Variants in CFAP47 observed in about 807,000 individuals in gnomAD.
CFAP47 encodes cilia and flagella associated protein 47.
A neutral mutation model predicts 148.1 loss-of-function variants in CFAP47; 29 were observed. The observed-to-expected ratio is 0.20, with a 90% confidence interval of 0.15 to 0.27. CFAP47 has a LOEUF of 0.27. CFAP47 is among the 10% of genes least tolerant of loss of function. The probability of loss-of-function intolerance (pLI) is 1.00; values close to 1 mark genes in which losing one functional copy is unlikely to be tolerated. For synonymous variants in CFAP47, 664 were observed against 577.3 expected (o/e 1.15, Z -2.15); for missense variants, 1,872 against 1,697.5 (o/e 1.10, Z -1.81).
At chrX:36,299,856 A>AT (rs1418841839) in intron 52 of CFAP47, among the ~76,000 whole-genome samples, 3 of 112,407 alleles carry the variant, frequency 2.7e-5, no homozygotes, top group Admixed American at 1.9e-4. Flanking sequence ...AGTAATTGTT[A>AT]TTTTAATGAG....
intron 62 of CFAP47, among the ~76,000 whole-genome samples, chrX:36,378,570 GCTCTTGTT>G (rs782018504): frequency 9.0e-6 from 1 of 111,518 alleles, no homozygotes; most frequent in East Asian, 2.8e-4. Flanking sequence ...ATGGAGTTTC[GCTCTTGTT>G]GCCCCAGCTG....
Position 36,077,183 on chromosome X carries a change from C to CTTTT in CFAP47, c.4691+3856_4691+3859dup, listed in dbSNP as rs776287161. Among the ~76,000 whole-genome samples, 11 of 20,991 alleles carry CTTTT rather than the reference C, an allele frequency of 5.2e-4. 3 individuals carry two copies. Among genetic ancestry groups the CTTTT allele is most frequent in the Non-Finnish European group, 8.2e-4 (9 of 10,921 alleles). 18.2% of individuals were successfully genotyped at this position (20,991 alleles called of 115,157 possible). A position where few individuals can be genotyped will look rare whatever the true frequency, so the allele number is the denominator to read the frequency against. ...AAGTCAGGTAATACAGCGCCTCCAG[C>CTTTT]TTTTTTTTTTTTTTTTTTTTTTTTT... On this transcript the variant is annotated intron_variant, in intron 29 of 63. Transcript: ENST00000378653.
chrX:36,370,549 G>A (rs1941922613), intron 62 of CFAP47, among the ~76,000 whole-genome samples: 1 of 109,512 alleles, frequency 9.1e-6, no homozygotes, highest in African/African-American at 3.3e-5. Flanking sequence ...ATTTTCTACA[G>A]CAAATGGAAA....
At chrX:36,045,081 C>T (rs149483299) in intron 25 of CFAP47, among the ~76,000 whole-genome samples, 1,571 of 111,775 alleles carry the variant, frequency 0.014, 15 homozygotes, top group Non-Finnish European at 0.024. Flanking sequence ...TGTCTGATTG[C>T]TCTATCTAGA....
intron 22 of CFAP47, among the ~76,000 whole-genome samples, chrX:36,029,787 T>C (rs1246307186): frequency 9.0e-6 from 1 of 110,559 alleles, no homozygotes; most frequent in Non-Finnish European, 1.9e-5. Flanking sequence ...GTCTCTCTTA[T>C]TGCCATTTTC....
At position 35,956,085 on chromosome X, in the gene CFAP47, G is replaced by T. The variant is rs750944152; in HGVS notation, c.1299G>T (p.Gln433His). The T allele has an allele frequency of 8.3e-6, 10 of 1,209,413 alleles. No individual in the cohort carries two copies. Among genetic ancestry groups the T allele is most frequent in the Admixed American group, 2.2e-5 (1 of 45,713 alleles). Reference protein sequence around the residue: ...PCFMGERSEIQCIIKNQCELL... With the variant: ...PCFMGERSEIHCIIKNQCELL... Reference sequence around the variant, plus strand: ...TCATGGGTGAACGTTCAGAAATTCAGTGCATCATAAAAAATCAATGCGAAT... The same window carrying T: ...TCATGGGTGAACGTTCAGAAATTCATTGCATCATAAAAAATCAATGCGAAT... The change falls in exon 8 of 64, where the codon CAG becomes CAT. Residue 433 changes from glutamine to histidine, a missense_variant. By Grantham distance (24) the Gln-to-His change is conservative. Transcript: ENST00000378653.
intron 59 of CFAP47, among the ~76,000 whole-genome samples, chrX:36,351,707 T>C (rs1469516139): frequency 1.8e-5 from 2 of 112,147 alleles, no homozygotes; most frequent in East Asian, 5.6e-4. Context: ...AAATAGCTTG[T>C]GTTAGATTAG....
At chrX:36,323,368 T>C (rs1247606876) in intron 57 of CFAP47, among the ~76,000 whole-genome samples, 1 of 109,529 alleles carries the variant, frequency 9.1e-6, no homozygotes, top group Non-Finnish European at 1.9e-5. Context: ...TCTCTAATGC[T>C]ATGTGTATTT....
chrX:36,137,659 A>G (rs1939067050), intron 33 of CFAP47, among the ~76,000 whole-genome samples: 1 of 110,676 alleles, frequency 9.0e-6, no homozygotes, highest in African/African-American at 3.3e-5. Context: ...AAGGTACTCA[A>G]CAGAATGGGT....
Position 36,207,901 on chromosome X carries a change from A to G in CFAP47, c.6817+2791A>G, listed in dbSNP as rs192059494. On this transcript the variant is annotated intron_variant, in intron 45 of 63. Transcript: ENST00000378653. ...CCAATATACAGAGTCCTATATGAGCAATATTTGCCAAAGCACTCAAACAAA... is the reference window on the plus strand; with the variant it reads ...CCAATATACAGAGTCCTATATGAGCGATATTTGCCAAAGCACTCAAACAAA... Among the ~76,000 whole-genome samples, 14 of 111,822 alleles carry G rather than the reference A, an allele frequency of 1.3e-4. No individual in the cohort carries two copies. In the Admixed American group the frequency reaches 1.3e-3, roughly 11 times the overall value.
At chrX:36,084,069 A>G (rs1210310467) in intron 29 of CFAP47, among the ~76,000 whole-genome samples, 1 of 110,432 alleles carries the variant, frequency 9.1e-6, no homozygotes, top group African/African-American at 3.3e-5. Flanking sequence ...CTACTGTTAG[A>G]CTCATCCATT....
At chrX:36,287,234 G>A (rs978738752) in intron 51 of CFAP47, among the ~76,000 whole-genome samples, 1 of 111,452 alleles carries the variant, frequency 9.0e-6, no homozygotes, top group Non-Finnish European at 1.9e-5. Context: ...AATAAATAAT[G>A]TACTTTTGAA....
Position 35,971,608 on chromosome X carries a change from G to A in CFAP47, c.1993G>A (p.Asp665Asn). 8.5e-7 allele frequency: 1 copy of A among 1,170,328 alleles called. No homozygotes were observed. Among genetic ancestry groups the A allele is most frequent in the Non-Finnish European group, 1.1e-6 (1 of 871,188 alleles). Residue 665 changes from aspartate (D) to asparagine (N), a missense_variant, in exon 12 of 64, where the codon GAT becomes AAT. Coordinates refer to ENST00000378653, the MANE Select transcript of CFAP47 (RefSeq NM_001304548.2). ...AERERMYSYD[D>N]TDIGLEPGSG... ...TAGGGAGCGCATGTATTCATATGAT[G>A]ATACAGACATAGGCTTAGAGCCAGG...
At chrX:36,303,416 C>T (rs911319246) in intron 53 of CFAP47, among the ~76,000 whole-genome samples, 1 of 110,693 alleles carries the variant, frequency 9.0e-6, no homozygotes, top group Admixed American at 9.7e-5. Flanking sequence ...AACTCCTGGC[C>T]TCAAGTGACC....
intron 39 of CFAP47, among the ~76,000 whole-genome samples, chrX:36,178,590 C>A (rs954552535): frequency 2.7e-5 from 3 of 110,973 alleles, no homozygotes; most frequent in Non-Finnish European, 5.7e-5. Context: ...AAAGGGGTTT[C>A]TTTTGATAAA....
chrX:36,253,437 G>T (rs912733360), intron 49 of CFAP47, among the ~76,000 whole-genome samples: 10 of 111,098 alleles, frequency 9.0e-5, no homozygotes, highest in Non-Finnish European at 1.3e-4. Context: ...AAATACAATT[G>T]CTTCTGAACA....
chrX:36,173,817 C>T (rs996728000), intron 39 of CFAP47, among the ~76,000 whole-genome samples: 2 of 111,504 alleles, frequency 1.8e-5, no homozygotes, highest in Non-Finnish European at 3.8e-5. Flanking sequence ...CTATTAGGTC[C>T]ACTTGGTGCA....
chrX:36,062,063 A>G (rs1451026902), intron 26 of CFAP47, among the ~76,000 whole-genome samples: 2 of 111,568 alleles, frequency 1.8e-5, no homozygotes, highest in Non-Finnish European at 3.8e-5. Context: ...TCAGATAACC[A>G]TAGTAAGACT....
At chrX:35,962,932 T>G (rs1936351615) in intron 8 of CFAP47, among the ~76,000 whole-genome samples, 1 of 93,383 alleles carries the variant, frequency 1.1e-5, no homozygotes, top group Admixed American at 1.1e-4. Flanking sequence ...ATGTGGTGTG[T>G]GTGTGTGTGT....
Sources: allele counts gnomAD v4.1 joint callset (sites outside exome capture counted in the v4.1 genomes callset), GRCh38; gene constraint gnomAD v4.1.1; transcripts MANE v1.5; gene names NCBI Gene and HGNC (gene_info 2026-07-23, HGNC 2026-07-21).